Variants in PIK3C2G observed in about 807,000 individuals in gnomAD.
PIK3C2G encodes the protein phosphatidylinositol 3-kinase C2 domain-containing subunit gamma.
Under a neutral mutation model 181.1 loss-of-function variants are expected in PIK3C2G, and 168 were observed. The observed-to-expected ratio is 0.93, with a 90% confidence interval of 0.82 to 1.05. The LOEUF (loss-of-function observed/expected upper bound fraction) is 1.05. Ranked by LOEUF, PIK3C2G falls within the 50% of genes least tolerant of loss-of-function variation. The pLI, the probability that PIK3C2G is intolerant of heterozygous loss-of-function variation, is 0.00. For synonymous variants in PIK3C2G, 573 were observed against 592.2 expected (o/e 0.97, Z 0.47); for missense variants, 1,869 against 1,732.8 (o/e 1.08, Z -1.40).
chr12:18,488,627 C>T lies in PIK3C2G; in HGVS notation c.2683C>T (p.Gln895Ter), dbSNP rs753468962. 1.3e-6 allele frequency: 2 copies of T among 1,492,256 alleles called. No individual in the cohort carries two copies. Among genetic ancestry groups the T allele is most frequent in the South Asian group, 2.7e-5 (2 of 73,794 alleles). The allele number at this position is 1,492,256 out of a possible 1,614,324, so 92.4% of individuals were successfully genotyped here. ...RVKSASDHQR[Q>*]EVLKKEIGRL... ...CAAGTCTGCCAGTGACCATCAAAGA[C>T]AGGTTTGTTGAAATATTAATATTCA... The change falls in exon 19 of 33, where the codon CAG becomes TAG. Residue 895 changes from glutamine to a stop codon, truncating the protein, a stop_gained and splice_region_variant. Coordinates refer to ENST00000538779, the MANE Select transcript of PIK3C2G (RefSeq NM_001288772.2). LOFTEE classifies it high-confidence loss of function.
intron 18 of PIK3C2G, among the ~76,000 whole-genome samples, chr12:18,458,937 A>G (rs1947774260): frequency 6.6e-6 from 1 of 151,978 alleles, no homozygotes; most frequent in South Asian, 2.1e-4. Context: ...CATCTCAACA[A>G]GCATAGAAGT....
intron 14 of PIK3C2G, among the ~76,000 whole-genome samples, chr12:18,387,435 C>T (rs1355052314): frequency 6.6e-6 from 1 of 152,120 alleles, no homozygotes; most frequent in Non-Finnish European, 1.5e-5. Flanking sequence ...GCTTCAATAA[C>T]TTTGAAAATG....
Position 18,629,874 on chromosome 12 carries a change from T to C in PIK3C2G, c.4183-10555T>C, listed in dbSNP as rs571269119. Among the ~76,000 whole-genome samples, 4 of 152,308 alleles carry C rather than the reference T, an allele frequency of 2.6e-5. No individual in the cohort carries two copies. In the East Asian group the frequency reaches 5.8e-4, roughly 22 times the overall value. On this transcript the variant is annotated intron_variant, in intron 31 of 32. Coordinates refer to ENST00000538779, the MANE Select transcript of PIK3C2G (RefSeq NM_001288772.2). ...TTCCTTGGTATTACAATAAGAAATA[T>C]TGCAATAGATAACAGGAACTATTTC...
chr12:18,583,383 C>T (rs1219257045), intron 29 of PIK3C2G, among the ~76,000 whole-genome samples: 1 of 152,080 alleles, frequency 6.6e-6, no homozygotes, highest in East Asian at 1.9e-4. Context: ...GGTCCCCAGC[C>T]CTGTATCTCC....
chr12:18,713,081 A>G, the PIK3C2G span: 1 of 1,437,796 alleles, frequency 7.0e-7, no homozygotes, highest in Non-Finnish European at 9.6e-7. Context: ...TGATTTTATA[A>G]TAAATGCATA....
chr12:18,562,950 T>C (rs1651236189), intron 27 of PIK3C2G, 58 bp downstream of exon 27: 1 of 1,123,484 alleles, frequency 8.9e-7, no homozygotes, highest in Admixed American at 2.0e-5. Flanking sequence ...CTCAGACTTC[T>C]CTTCACTATG....
intron 26 of PIK3C2G, among the ~76,000 whole-genome samples, chr12:18,555,934 A>G (rs563322510): frequency 6.6e-6 from 1 of 152,254 alleles, no homozygotes; most frequent in Non-Finnish European, 1.5e-5. Context: ...TTTCTTATCT[A>G]TTGCTGAAAT....
At chr12:18,387,010 C>G (rs188936136) in intron 14 of PIK3C2G, among the ~76,000 whole-genome samples, 1 of 152,226 alleles carries the variant, frequency 6.6e-6, no homozygotes, top group East Asian at 1.9e-4. Context: ...CAGCTTCAAA[C>G]GAAACATGCC....
At chr12:18,319,543 T>G (rs1951014542) in intron 6 of PIK3C2G, among the ~76,000 whole-genome samples, 1 of 152,152 alleles carries the variant, frequency 6.6e-6, no homozygotes, top group Admixed American at 6.5e-5. Flanking sequence ...TGAAGGTATT[T>G]AAATTAAAAA....
chr12:18,367,854 G>C (rs371403758), intron 12 of PIK3C2G, among the ~76,000 whole-genome samples: 1 of 152,160 alleles, frequency 6.6e-6, no homozygotes, highest in Non-Finnish European at 1.5e-5. Flanking sequence ...ACCCCTGGCT[G>C]AGACTGGATA....
chr12:18,304,262 T>C (rs961300925), intron 5 of PIK3C2G, among the ~76,000 whole-genome samples: 1 of 152,186 alleles, frequency 6.6e-6, no homozygotes. Flanking sequence ...TATTAATTTG[T>C]TCATTTTTTT....
chr12:18,286,407 T>C (rs1228761677), intron 2 of PIK3C2G, among the ~76,000 whole-genome samples: 3 of 152,062 alleles, frequency 2.0e-5, no homozygotes, highest in Non-Finnish European at 2.9e-5. Flanking sequence ...GGAATACTAC[T>C]AATCAGCAAT....
At chr12:18,329,748 CCAAA>C (rs1377861188) in intron 8 of PIK3C2G, among the ~76,000 whole-genome samples, 3 of 151,964 alleles carry the variant, frequency 2.0e-5, no homozygotes, top group Admixed American at 1.3e-4. Flanking sequence ...CAAGGCAACA[CCAAA>C]CACTTTTCTA....
intron 5 of PIK3C2G, among the ~76,000 whole-genome samples, chr12:18,302,777 A>G (rs543495652): frequency 1.3e-5 from 2 of 152,192 alleles, no homozygotes; most frequent in East Asian, 1.9e-4. Context: ...AACTGTCCTC[A>G]GGGTCCCCAG....
In PIK3C2G at chr12:18,391,131, C is replaced by G. The variant is rs1224550078; in HGVS notation, c.2005C>G (p.Pro669Ala). ...PSPVTLQIDF[P>A]ATGWEYMKPD... is the part of the protein sequence containing the mutation. The stretch of plus-strand genomic sequence containing the variant: ...ATTTTTTTTCTTTCAGATTGATTTT[C>G]CAGCTACTGGGTGGGAGTATATGAA... The change falls in exon 15 of 33, where the codon CCA becomes GCA. Residue 669 changes from proline (P) to alanine (A), a missense_variant. By Grantham distance (27) the Pro-to-Ala change is conservative (BLOSUM62 -1). Coordinates refer to ENST00000538779, the MANE Select transcript of PIK3C2G (RefSeq NM_001288772.2). 2 of 1,595,590 alleles carry G rather than the reference C, an allele frequency of 1.3e-6. No homozygotes were observed. Among genetic ancestry groups the G allele is most frequent in the Non-Finnish European group, 1.7e-6 (2 of 1,172,058 alleles).
intron 2 of PIK3C2G, 130 bp from the exon 3 acceptor site, chr12:18,286,717 C>A (rs960308409): frequency 1.4e-5 from 8 of 564,684 alleles, no homozygotes; most frequent in Admixed American, 3.6e-5. Context: ...AATATTACTT[C>A]AATTTTTAAA....
At chr12:18,587,413 A>C (rs1261029812) in intron 29 of PIK3C2G, among the ~76,000 whole-genome samples, 2 of 152,070 alleles carry the variant, frequency 1.3e-5, no homozygotes, top group Non-Finnish European at 2.9e-5. Context: ...ACACCAACAA[A>C]GTCAAGCCAA....
chr12:18,539,444 A>G (rs143584004), intron 25 of PIK3C2G, among the ~76,000 whole-genome samples: 25 of 152,026 alleles, frequency 1.6e-4, no homozygotes, highest in Non-Finnish European at 2.9e-4. Flanking sequence ...TTATGTTATT[A>G]TACTAGATCC....
intron 18 of PIK3C2G, among the ~76,000 whole-genome samples, chr12:18,438,457 T>G (rs1946563103): frequency 6.6e-6 from 1 of 151,936 alleles, no homozygotes; most frequent in Non-Finnish European, 1.5e-5. Context: ...CTACTCCTTC[T>G]TGTCTTGACA....
Sources: gnomAD v4.1 joint callset for allele counts (sites outside exome capture counted in the v4.1 genomes callset) on GRCh38, gnomAD v4.1.1 for gene constraint, MANE v1.5 for transcripts, NCBI Gene and HGNC (gene_info 2026-07-23, HGNC 2026-07-21) for gene names.